The following ADAM28 variants were observed in gnomAD, a reference collection of about 807,000 sequenced individuals.
ADAM28 encodes disintegrin and metalloproteinase domain-containing protein 28.
A neutral mutation model predicts 101.2 loss-of-function variants in ADAM28; 105 were observed. That is an observed-to-expected ratio of 1.04 (90% CI 0.89 to 1.22). The LOEUF (loss-of-function observed/expected upper bound fraction) is 1.22, where lower values mean the gene tolerates loss of function less well. Ranked by LOEUF, ADAM28 falls within the 50% of genes most tolerant of loss-of-function variation. ADAM28 has a pLI of 0.00. For synonymous variants in ADAM28, 322 were observed against 310.6 expected (o/e 1.04, Z -0.39); for missense variants, 1,028 against 945.4 (o/e 1.09, Z -1.15).
At chr8:24,299,626 T>C (rs187419346) in intron 1 of ADAM28, among the ~76,000 whole-genome samples, 78 of 152,370 alleles carry the variant, frequency 5.1e-4, no homozygotes, top group Non-Finnish European at 9.4e-4. Flanking sequence ...CTTTCGCTTC[T>C]ATCTTCACTT....
intron 7 of ADAM28, among the ~76,000 whole-genome samples, chr8:24,320,960 TGAAAA>T (rs2129287103): frequency 6.6e-6 from 1 of 152,054 alleles, no homozygotes; most frequent in Non-Finnish European, 1.5e-5. Flanking sequence ...AGAATTTAAG[TGAAAA>T]TACATTTGGA....
chr8:24,326,184 G>T (rs1812594101), intron 9 of ADAM28, among the ~76,000 whole-genome samples: 1 of 151,764 alleles, frequency 6.6e-6, no homozygotes, highest in East Asian at 1.9e-4. Flanking sequence ...ATATGAGTAA[G>T]ATATAAATAA....
chr8:24,350,546 A>C (rs927130969), intron 19 of ADAM28, among the ~76,000 whole-genome samples: 1 of 152,070 alleles, frequency 6.6e-6, no homozygotes, highest in Non-Finnish European at 1.5e-5. Context: ...CCTGACCTCA[A>C]ATGATCCACC....
intron 2 of ADAM28, among the ~76,000 whole-genome samples, chr8:24,306,363 A>AATATATATATATATATATAT (rs543308272): frequency 9.2e-6 from 1 of 108,496 alleles, no homozygotes. Context: ...TAAATAAATA[A>AATATATATATATATATATAT]ATATATATAT....
At chr8:24,302,148 T>C (rs777118604) in intron 2 of ADAM28, among the ~76,000 whole-genome samples, 1 of 152,162 alleles carries the variant, frequency 6.6e-6, no homozygotes, top group Non-Finnish European at 1.5e-5. Flanking sequence ...TGTCCACGTG[T>C]TCTCATTGTT....
In ADAM28 at chr8:24,358,738, C is replaced by T. The variant is rs994167194; in HGVS notation, c.*4334C>T. 6.6e-6 allele frequency: 1 copy of T among 152,100 alleles called. No homozygotes were observed. Among genetic ancestry groups the T allele is most frequent in the Non-Finnish European group, 1.5e-5 (1 of 68,014 alleles). The allele number at this position is 152,100 out of a possible 1,614,324, so 9.4% of individuals were successfully genotyped here. ...CTGTTAGTAGTATGCTAAGCGAATA[C>T]TATTGTTATAAAAAAAATCCTAAGC... On this transcript the variant is annotated 3_prime_UTR_variant, in exon 23 of 23. Transcript: ENST00000265769.
At chr8:24,347,656 T>C (rs1815565102) in intron 18 of ADAM28, among the ~76,000 whole-genome samples, 1 of 152,158 alleles carries the variant, frequency 6.6e-6, no homozygotes, top group Admixed American at 6.6e-5. Flanking sequence ...GATTACTACT[T>C]CTGGCTCTAT....
intron 6 of ADAM28, among the ~76,000 whole-genome samples, chr8:24,315,229 T>A (rs192978613): frequency 2.6e-4 from 40 of 151,976 alleles, no homozygotes; most frequent in Middle Eastern, 3.4e-3. Context: ...AAGAAAAAGA[T>A]GGAAGAACAT....
At chr8:24,327,882 T>C (rs944181692) in intron 10 of ADAM28, among the ~76,000 whole-genome samples, 3 of 152,138 alleles carry the variant, frequency 2.0e-5, no homozygotes, top group Admixed American at 6.6e-5. Context: ...GTGCTATTAT[T>C]ATCATATGTT....
At chr8:24,332,914 T>TTA (rs1205889017) in intron 13 of ADAM28, among the ~76,000 whole-genome samples, 165 bp downstream of exon 13, 2 of 152,228 alleles carry the variant, frequency 1.3e-5, no homozygotes, top group Non-Finnish European at 2.9e-5. Context: ...ACATGGCCTA[T>TTA]TGAATCTTCC....
At chr8:24,326,824 C>G (rs533138955) in intron 10 of ADAM28, among the ~76,000 whole-genome samples, 189 bp downstream of exon 10, 1 of 152,036 alleles carries the variant, frequency 6.6e-6, no homozygotes, top group South Asian at 2.1e-4. Flanking sequence ...AATGCATTAT[C>G]TTTTTAATAT....
At chr8:24,294,242 C>G in intron 1 of ADAM28, 47 bp downstream of exon 1, 1 of 1,581,740 alleles carries the variant, frequency 6.3e-7, no homozygotes, top group Non-Finnish European at 8.7e-7. Context: ...CATTAGCGAA[C>G]TTTTCATAGT....
chr8:24,358,281 ATAT>A lies in ADAM28; in HGVS notation c.*3884_*3886del, dbSNP rs1460818700. On this transcript the variant is annotated 3_prime_UTR_variant, in exon 23 of 23. Transcript: ENST00000265769. ...TGCTATTTTTCAGTTGGTGCATCCA[ATAT>A]TATTATCAGCTTTAATATTGTTTCA... is the stretch of plus-strand genomic sequence containing the variant. The A allele has an allele frequency of 2.6e-5, 4 of 152,202 alleles. No individual in the cohort carries two copies. The highest frequency in any genetic ancestry group is 6.6e-5 in the Admixed American group (1 of 15,260). The allele number at this position is 152,202 out of a possible 1,614,324, so 9.4% of individuals were successfully genotyped here.
Position 24,311,400 on chromosome 8 carries a change from G to GTTTCT in ADAM28, c.347_351dup (p.Asp118PhefsTer12). 6.2e-7 allele frequency: 1 copy of GTTTCT among 1,613,040 alleles called. No individual in the cohort carries two copies. The highest frequency in any genetic ancestry group is 8.5e-7 in the Non-Finnish European group (1 of 1,179,472). Reference sequence around the variant, plus strand: ...TCAAGGACATATTCTTAATGAAAAGGTTTCTGACGCTAGCATCAGCACATG... The same window carrying GTTTCT: ...TCAAGGACATATTCTTAATGAAAAGGTTTCTTTTCTGACGCTAGCATCAGCACATG... On this transcript the variant is annotated frameshift_variant, in exon 5 of 23. Coordinates refer to ENST00000265769, the MANE Select transcript of ADAM28 (RefSeq NM_014265.6). LOFTEE classifies it high-confidence loss of function.
intron 6 of ADAM28, among the ~76,000 whole-genome samples, chr8:24,315,955 T>A (rs1217439881): frequency 2.6e-5 from 4 of 151,946 alleles, no homozygotes. Context: ...AAGTTTAACA[T>A]GCTTTCTTGA....
At chr8:24,326,204 C>G (rs1169439108) in intron 9 of ADAM28, among the ~76,000 whole-genome samples, 1 of 151,816 alleles carries the variant, frequency 6.6e-6, no homozygotes, top group African/African-American at 2.4e-5. Flanking sequence ...AAAACAAAGC[C>G]TGTGTGGTAC....
At chr8:24,296,891 C>A (rs1398568310) in intron 1 of ADAM28, among the ~76,000 whole-genome samples, 1 of 152,174 alleles carries the variant, frequency 6.6e-6, no homozygotes, top group East Asian at 1.9e-4. Context: ...AGACGCTGCA[C>A]CATTTCCATT....
intron 6 of ADAM28, among the ~76,000 whole-genome samples, chr8:24,315,171 G>C (rs1478835696): frequency 6.6e-6 from 1 of 151,876 alleles, no homozygotes; most frequent in Non-Finnish European, 1.5e-5. Context: ...CTGACTATAT[G>C]CTGCCTCCAA....
intron 18 of ADAM28, among the ~76,000 whole-genome samples, chr8:24,348,275 A>T (rs1169677320): frequency 2.0e-5 from 3 of 152,164 alleles, no homozygotes; most frequent in Non-Finnish European, 2.9e-5. Context: ...TCACAGCGAA[A>T]TTGAAGAGAA....
Sources: gnomAD v4.1 joint callset for allele counts (sites outside exome capture counted in the v4.1 genomes callset) on GRCh38, gnomAD v4.1.1 for gene constraint, MANE v1.5 for transcripts, NCBI Gene and HGNC (gene_info 2026-07-23, HGNC 2026-07-21) for gene names.